Variants in MGAT4A observed in about 807,000 individuals in gnomAD.
MGAT4A encodes N-acetylglucosaminyltransferase IVa.
Under a neutral mutation model 74.1 loss-of-function variants are expected in MGAT4A, and 33 were observed. The ratio of observed to expected loss-of-function variants is 0.45; its 90% CI spans 0.34 to 0.60. The LOEUF is 0.60. MGAT4A is among the 20% of genes least tolerant of loss of function. The pLI is 0.02. For missense variants in MGAT4A, 479 were observed against 628.3 expected (o/e 0.76, Z 2.54); for synonymous variants, 198 against 210.4 (o/e 0.94, Z 0.51).
intron 12 of MGAT4A, among the ~76,000 whole-genome samples, chr2:98,637,169 G>C (rs1210856696): frequency 6.6e-6 from 1 of 152,012 alleles, no homozygotes; most frequent in Non-Finnish European, 1.5e-5. Context: ...AAATTAGCCA[G>C]GCATGGTGGT....
rs1438480286 is a variant in MGAT4A at position 98,731,029 on chromosome 2, G to C, written c.-236+19C>G. On this transcript the variant is annotated intron_variant, in intron 1 of 15. Transcript: ENST00000393487. This position sits in a 1 kb window ranked among gnomAD's most constrained non-coding sequence, Gnocchi z 4.8. ...CCTCCCGCCCCCGCGCGCCGCCGCT[G>C]CCGCCGCGAGCCCCTCACCCGCCGC... 5.0e-5 allele frequency: 5 copies of C among 99,798 alleles called. No individual in the cohort carries two copies. In the Admixed American group the frequency reaches 5.3e-4, roughly 11 times the overall value. The allele number at this position is 99,798 out of a possible 1,614,324, so 6.2% of individuals were successfully genotyped here.
chr2:98,712,014 G>A (rs1212709555), intron 2 of MGAT4A, among the ~76,000 whole-genome samples: 1 of 152,014 alleles, frequency 6.6e-6, no homozygotes, highest in African/African-American at 2.4e-5. Flanking sequence ...CAGATCTCTC[G>A]TCACCTTTAC....
At chr2:98,662,620 G>C (rs1015881550) in intron 5 of MGAT4A, among the ~76,000 whole-genome samples, 1 of 152,162 alleles carries the variant, frequency 6.6e-6, no homozygotes, top group Non-Finnish European at 1.5e-5. Context: ...CTTTTGAGGA[G>C]ACTAAAATAC....
chr2:98,681,537 T>A (rs1702059982), intron 2 of MGAT4A, among the ~76,000 whole-genome samples: 1 of 152,186 alleles, frequency 6.6e-6, no homozygotes, highest in South Asian at 2.1e-4. Context: ...AAACACAGCA[T>A]GTGTCCAAAA....
chr2:98,702,729 A>G (rs1365983355), intron 2 of MGAT4A, among the ~76,000 whole-genome samples: 1 of 152,216 alleles, frequency 6.6e-6, no homozygotes, highest in Non-Finnish European at 1.5e-5. Flanking sequence ...TCTTTACTGA[A>G]CACTATGCTA....
chr2:98,702,996 A>G (rs1702373076), intron 2 of MGAT4A, among the ~76,000 whole-genome samples: 1 of 152,256 alleles, frequency 6.6e-6, no homozygotes. Context: ...AGCAAAGGAA[A>G]AAGAAACCAG....
At chr2:98,687,810 C>A (rs72825766) in intron 2 of MGAT4A, among the ~76,000 whole-genome samples, 2,528 of 152,298 alleles carry the variant, frequency 0.017, 22 homozygotes, top group African/African-American at 0.021. Flanking sequence ...CCATTTCCAA[C>A]ACCGGCTAGT....
chr2:98,697,961 T>G (rs959436525), intron 2 of MGAT4A, among the ~76,000 whole-genome samples: 2 of 152,212 alleles, frequency 1.3e-5, no homozygotes, highest in African/African-American at 4.8e-5. Flanking sequence ...GTTAAAAAAT[T>G]TTTCATTGAC....
intron 2 of MGAT4A, among the ~76,000 whole-genome samples, chr2:98,702,548 G>C (rs1001533493): frequency 1.3e-5 from 2 of 152,188 alleles, no homozygotes; most frequent in Non-Finnish European, 2.9e-5. Context: ...CTGGTCATTA[G>C]AGCCCATGCA....
chr2:98,652,147 T>C (rs1170103896), intron 8 of MGAT4A, among the ~76,000 whole-genome samples: 1 of 152,150 alleles, frequency 6.6e-6, no homozygotes, highest in Non-Finnish European at 1.5e-5. Flanking sequence ...ACTTCAGTTA[T>C]GGATAGATCA....
rs1180378769 is a variant in MGAT4A at position 98,726,228 on chromosome 2, A to G, written c.94+11T>C. 23 of 1,610,114 alleles carry G rather than the reference A, an allele frequency of 1.4e-5. No homozygotes were observed. Among genetic ancestry groups the G allele is most frequent in the Non-Finnish European group, 2.0e-5 (23 of 1,176,960 alleles). On this transcript the variant is annotated intron_variant, in intron 2 of 15. Coordinates refer to ENST00000393487, the MANE Select transcript of MGAT4A (RefSeq NM_012214.3). ...ACATTTCATGCACATTTTCCGAGTC[A>G]TTTTCCTTACCTTTCCCATTTTGCC...
At position 98,624,903 on chromosome 2, in the gene MGAT4A, C is replaced by T; in HGVS notation, c.*663G>A. The T allele has an allele frequency of 2.7e-5, 27 of 984,286 alleles. No homozygotes were observed. Among genetic ancestry groups the T allele is most frequent in the Non-Finnish European group, 3.1e-5 (26 of 828,592 alleles). 61.0% of individuals were successfully genotyped at this position (984,286 alleles called of 1,614,324 possible). A position where few individuals can be genotyped will look rare whatever the true frequency, so the allele number is the denominator to read the frequency against. On this transcript the variant is annotated 3_prime_UTR_variant, in exon 16 of 16. Coordinates refer to ENST00000393487, the MANE Select transcript of MGAT4A (RefSeq NM_012214.3). ...TGTCTTTGAAAATATTTTGTTCAGT[C>T]ACTGTGATTATAAAAGTACTTCAAT...
chr2:98,695,852 A>T (rs541773143), intron 2 of MGAT4A, among the ~76,000 whole-genome samples: 11 of 151,824 alleles, frequency 7.2e-5, no homozygotes, highest in Non-Finnish European at 1.6e-4. Context: ...AGTTAATTAC[A>T]ATTTAAAGAG....
intron 2 of MGAT4A, among the ~76,000 whole-genome samples, chr2:98,691,923 T>C (rs1446551953): frequency 1.3e-5 from 2 of 152,112 alleles, no homozygotes; most frequent in African/African-American, 4.8e-5. Flanking sequence ...AACAACAATG[T>C]TTAAAAAGTA....
In MGAT4A at chr2:98,624,759, C is replaced by G; in HGVS notation, c.*807G>C. 1.0e-6 allele frequency: 1 copy of G among 984,114 alleles called. No individual in the cohort carries two copies. Among genetic ancestry groups the G allele is most frequent in the Non-Finnish European group, 1.2e-6 (1 of 828,372 alleles). 61.0% of individuals were successfully genotyped at this position (984,114 alleles called of 1,614,324 possible). Reference sequence around the variant, plus strand: ...AATAATCTGGGTTGAATGCATCACACTTACACATTGAAAATTTATCAGACT... The same window carrying G: ...AATAATCTGGGTTGAATGCATCACAGTTACACATTGAAAATTTATCAGACT... On this transcript the variant is annotated 3_prime_UTR_variant, in exon 16 of 16. Coordinates refer to ENST00000393487, the MANE Select transcript of MGAT4A (RefSeq NM_012214.3).
chr2:98,632,050 C>A (rs1701245415), intron 14 of MGAT4A, among the ~76,000 whole-genome samples: 2 of 152,028 alleles, frequency 1.3e-5, no homozygotes, highest in African/African-American at 4.8e-5. Flanking sequence ...GCGGCGCTTG[C>A]AGTGAGCCGG....
At position 98,688,482 on chromosome 2, in the gene MGAT4A, T is replaced by C. The variant is rs902770864; in HGVS notation, c.95-10011A>G. On this transcript the variant is annotated intron_variant, in intron 2 of 15. Coordinates refer to ENST00000393487, the MANE Select transcript of MGAT4A (RefSeq NM_012214.3). Reference sequence around the variant, plus strand: ...GTGATAGGCGTCATTTCCAGGATTATGTTATATTACACAGGACTCCATCTC... The same window carrying C: ...GTGATAGGCGTCATTTCCAGGATTACGTTATATTACACAGGACTCCATCTC... Among the ~76,000 whole-genome samples, 4 of 152,324 alleles carry C rather than the reference T, an allele frequency of 2.6e-5. No homozygotes were observed. The Middle Eastern group carries it at 0.014, about 518-fold the overall frequency.
At chr2:98,674,014 A>G (rs1256782130) in intron 4 of MGAT4A, among the ~76,000 whole-genome samples, 1 of 152,220 alleles carries the variant, frequency 6.6e-6, no homozygotes, top group African/African-American at 2.4e-5. Context: ...TTGTCTCAAC[A>G]TGCTATTTTA....
chr2:98,674,840 T>G (rs537368892), intron 4 of MGAT4A, among the ~76,000 whole-genome samples, 195 bp downstream of exon 4: 1 of 152,334 alleles, frequency 6.6e-6, no homozygotes, highest in South Asian at 2.1e-4. Flanking sequence ...CATGATCCCT[T>G]TCAGCTGTAT....
Sources: gnomAD v4.1 joint callset for allele counts (sites outside exome capture counted in the v4.1 genomes callset) on GRCh38, gnomAD v4.1.1 for gene constraint, Gnocchi (gnomAD v3.1) non-coding constraint, MANE v1.5 for transcripts, NCBI Gene and HGNC (gene_info 2026-07-23, HGNC 2026-07-21) for gene names.